FAM228B: variants seen among roughly 807,000 people sequenced by gnomAD.
The protein encoded by FAM228B is protein FAM228B.
FAM228B carries 38 observed loss-of-function variants against 42.6 expected under a neutral mutation model. The observed-to-expected ratio is 0.89, with a 90% CI of 0.69 to 1.17. The LOEUF is 1.17. FAM228B is among the 50% of genes most tolerant of loss of function. The pLI, the probability that FAM228B is intolerant of heterozygous loss-of-function variation, is 0.00. For synonymous variants in FAM228B, 109 were observed against 122.3 expected (o/e 0.89, Z 0.72); for missense variants, 344 against 367.3 (o/e 0.94, Z 0.52).
chr2:24,120,550 A>AT (rs71395201), upstream of FAM228B, among the ~76,000 whole-genome samples: 6 of 149,046 alleles, frequency 4.0e-5, no homozygotes, highest in Admixed American at 6.6e-5. Flanking sequence ...CAGAGAGCTG[A>AT]TTTTTTTTAA....
At chr2:24,151,010 A>G (rs1254482962) in intron 7 of FAM228B, among the ~76,000 whole-genome samples, 3 of 152,126 alleles carry the variant, frequency 2.0e-5, no homozygotes, top group East Asian at 1.9e-4. Context: ...ATCCCTTTGA[A>G]TAAACTTTCT....
intron 5 of FAM228B, among the ~76,000 whole-genome samples, chr2:24,146,399 G>T (rs377717648): frequency 6.6e-6 from 1 of 152,150 alleles, no homozygotes; most frequent in African/African-American, 2.4e-5. Flanking sequence ...CAATGTTAGG[G>T]ATTAAGATGA....
chr2:24,126,845 C>G (rs1005519528), intron 2 of FAM228B, among the ~76,000 whole-genome samples: 1 of 152,102 alleles, frequency 6.6e-6, no homozygotes, highest in African/African-American at 2.4e-5. Context: ...AGGATGGTCT[C>G]GATCTCCTGA....
In FAM228B at chr2:24,098,936, G is replaced by A. The variant is rs575604153; in HGVS notation, c.-121+3707G>A. On this transcript the variant is annotated intron_variant, in intron 3 of 10. Transcript: ENST00000613899. ...GCACATCAAAAAGCTTATCAACCAT[G>A]ATCAAGTTGGCTTCATCCCTGGGAT... is the stretch of plus-strand genomic sequence containing the variant. Among the ~76,000 whole-genome samples, 17 of 152,282 alleles carry A rather than the reference G, an allele frequency of 1.1e-4. No homozygotes were observed. In the East Asian group the frequency reaches 3.1e-3, roughly 28 times the overall value.
chr2:24,146,881 T>G (rs771952639), intron 6 of FAM228B, 46 bp downstream of exon 6: 1 of 1,538,948 alleles, frequency 6.5e-7, no homozygotes, highest in Non-Finnish European at 8.8e-7. Context: ...CCAAGAGCAA[T>G]GGCAGATGCA....
At chr2:24,146,858 G>A (rs1343693406) in intron 6 of FAM228B, 23 bp downstream of exon 6, 3 of 1,540,480 alleles carry the variant, frequency 1.9e-6, no homozygotes, top group Non-Finnish European at 2.6e-6. Flanking sequence ...TAATTGTTAT[G>A]TGATTTCATA....
At position 24,095,856 on chromosome 2, in the gene FAM228B, G is replaced by T. The variant is rs1187543932; in HGVS notation, c.-121+627G>T. The T allele has an allele frequency of 3.9e-5, 6 of 152,244 alleles. No individual in the cohort carries two copies. Among genetic ancestry groups the T allele is most frequent in the Admixed American group, 3.9e-4 (6 of 15,274 alleles). 9.4% of individuals were successfully genotyped at this position (152,244 alleles called of 1,614,324 possible). Reference sequence around the variant, plus strand: ...CTAACTAGGAGATACCTCCCAGGAGGGGCCGACAGACACCTCATATAGGCA... The same window carrying T: ...CTAACTAGGAGATACCTCCCAGGAGTGGCCGACAGACACCTCATATAGGCA... On this transcript the variant is annotated intron_variant, in intron 3 of 10. Coordinates refer to the FAM228B transcript ENST00000613899. This position sits in a 1 kb window ranked among gnomAD's most constrained non-coding sequence, Gnocchi z 4.8.
intron 3 of FAM228B, among the ~76,000 whole-genome samples, chr2:24,112,356 C>T (rs930550213): frequency 4.1e-5 from 6 of 147,104 alleles, no homozygotes; most frequent in African/African-American, 2.5e-5. Flanking sequence ...GGTAGAGTGC[C>T]GTGGCGCGAT....
intron 3 of FAM228B, among the ~76,000 whole-genome samples, chr2:24,101,735 T>G (rs1200300062): frequency 1.3e-5 from 2 of 152,154 alleles, no homozygotes; most frequent in African/African-American, 4.8e-5. Context: ...CACGATGGAG[T>G]GCACTGGCGC....
intron 7 of FAM228B, among the ~76,000 whole-genome samples, chr2:24,155,115 T>A (rs1573780748): frequency 6.6e-6 from 1 of 152,176 alleles, no homozygotes; most frequent in Admixed American, 6.5e-5. Context: ...AAGATGATGA[T>A]ATTTAGAATA....
intron 9 of FAM228B, among the ~76,000 whole-genome samples, chr2:24,166,888 A>G (rs893123281): frequency 5.9e-5 from 9 of 151,998 alleles, no homozygotes; most frequent in Non-Finnish European, 1.3e-4. Context: ...CTGAGATGGG[A>G]GTGAGGCTGG....
intron 3 of FAM228B, among the ~76,000 whole-genome samples, chr2:24,103,480 G>A (rs543011493): frequency 6.6e-6 from 1 of 152,330 alleles, no homozygotes; most frequent in Non-Finnish European, 1.5e-5. Flanking sequence ...CTCCACAGGT[G>A]CTGTATAGCT....
Position 24,169,100 on chromosome 2 carries a change from A to AT in FAM228B, c.*15-255dup, listed in dbSNP as rs1381279850. Among the ~76,000 whole-genome samples, 1 of 152,208 alleles carries AT rather than the reference A, an allele frequency of 6.6e-6. No individual in the cohort carries two copies. Among genetic ancestry groups the AT allele is most frequent in the Non-Finnish European group, 1.5e-5 (1 of 68,036 alleles). On this transcript the variant is annotated intron_variant, in intron 10 of 10. Coordinates refer to ENST00000615575, the MANE Select transcript of FAM228B (RefSeq NM_001145710.2). The surrounding 1 kb of genome is among the most constrained non-coding windows in gnomAD (Gnocchi z 4.2). ...GAGACCACAGGGGTTCCCTCAAATC[A>AT]TGTCACACATCAGTGATCCACCCCA...
At chr2:24,140,798 C>T (rs1666723486) in intron 5 of FAM228B, among the ~76,000 whole-genome samples, 1 of 151,490 alleles carries the variant, frequency 6.6e-6, no homozygotes, top group African/African-American at 2.4e-5. Flanking sequence ...CCTGTCTCTA[C>T]TAAAAATACA....
At chr2:24,146,085 T>C (rs1264721441) in intron 5 of FAM228B, among the ~76,000 whole-genome samples, 1 of 152,224 alleles carries the variant, frequency 6.6e-6, no homozygotes, top group Non-Finnish European at 1.5e-5. Flanking sequence ...CTGGGCAGTC[T>C]GATCACCGTT....
At chr2:24,122,352 T>C, upstream of FAM228B, 1 of 1,215,636 alleles carries the variant, frequency 8.2e-7, no homozygotes. Flanking sequence ...TCATGTCTGC[T>C]TCATTTTTTG....
chr2:24,135,969 G>T (rs1484280026), intron 3 of FAM228B, among the ~76,000 whole-genome samples: 1 of 117,012 alleles, frequency 8.5e-6, no homozygotes, highest in Non-Finnish European at 1.8e-5. Context: ...GTCAGTTATA[G>T]TGAAGGGTTT....
chr2:24,148,046 G>A (rs1666938576), intron 7 of FAM228B, among the ~76,000 whole-genome samples: 1 of 151,838 alleles, frequency 6.6e-6, no homozygotes, highest in African/African-American at 2.4e-5. Context: ...GCATTAGTGT[G>A]GAGGATTAGC....
chr2:24,118,831 A>G (rs1666008144), upstream of FAM228B, among the ~76,000 whole-genome samples: 1 of 152,166 alleles, frequency 6.6e-6, no homozygotes, highest in Non-Finnish European at 1.5e-5. Context: ...TGTTTGTTGA[A>G]TGAATGAATG....
Sources: gnomAD v4.1 joint callset for allele counts (sites outside exome capture counted in the v4.1 genomes callset) on GRCh38, gnomAD v4.1.1 for gene constraint, Gnocchi (gnomAD v3.1) non-coding constraint, MANE v1.5 for transcripts, NCBI Gene and HGNC (gene_info 2026-07-23, HGNC 2026-07-21) for gene names.